Variants in MAP4 observed in about 807,000 individuals in gnomAD.
MAP4 encodes the protein microtubule-associated protein 4.
MAP4 carries 76 observed loss-of-function variants against 170.2 expected under a neutral mutation model. That is an observed-to-expected ratio of 0.45 (90% CI 0.37 to 0.54). MAP4 has a LOEUF of 0.54. Among genes scored for constraint, MAP4 ranks in the 20% least tolerant of loss-of-function variants. The probability of loss-of-function intolerance (pLI) is 0.00; values close to 1 mark genes in which losing one functional copy is unlikely to be tolerated. For synonymous variants in MAP4, 909 were observed against 994.5 expected (o/e 0.91, Z 1.62); for missense variants, 2,506 against 2,748.0 (o/e 0.91, Z 1.97).
intron 1 of MAP4, among the ~76,000 whole-genome samples, chr3:48,045,899 T>C (rs2100124294): frequency 6.6e-6 from 1 of 152,106 alleles, no homozygotes; most frequent in Non-Finnish European, 1.5e-5. Flanking sequence ...GAGTCTGGAA[T>C]AGCATCAAAT....
chr3:48,045,068 A>C (rs1250470612), intron 1 of MAP4, among the ~76,000 whole-genome samples: 1 of 151,728 alleles, frequency 6.6e-6, no homozygotes, highest in Non-Finnish European at 1.5e-5. Context: ...ACCAGCCTGG[A>C]CAACATGGTG....
chr3:48,087,741 A>G (rs955016531), intron 1 of MAP4, among the ~76,000 whole-genome samples: 1 of 125,172 alleles, frequency 8.0e-6, no homozygotes, highest in African/African-American at 3.4e-5. Flanking sequence ...ACACACACGC[A>G]CGCGCACACA....
intron 17 of MAP4, among the ~76,000 whole-genome samples, chr3:47,864,974 A>G (rs1339541258): frequency 1.3e-5 from 2 of 152,174 alleles, no homozygotes; most frequent in Admixed American, 6.5e-5. Flanking sequence ...TTATGGAAGG[A>G]AACAAAGCAC....
Position 47,916,759 on chromosome 3 carries a change from C to G in MAP4, c.1068G>C (p.Arg356Ser), listed in dbSNP as rs1212416818. ...KDVTLLKETE[R>S]ASPIKMDLAP... ...CTAAGTCCATTTTTATAGGAGATGC[C>G]CTCTCTGTTTCTTTCAACAGTGTCA... Residue 356 changes from arginine to serine, a missense_variant, in exon 7 of 21, where the codon AGG becomes AGC. Physicochemically the swap from Arg to Ser is moderately radical, Grantham distance 110. This residue lies in a region of MAP4 where 2,008 missense variants were observed against 2,206.0 expected (regional missense o/e 0.91). Transcript: ENST00000683076. 6.2e-7 allele frequency: 1 copy of G among 1,613,848 alleles called. No individual in the cohort carries two copies. The highest frequency in any genetic ancestry group is 8.5e-7 in the Non-Finnish European group (1 of 1,180,028).
At chr3:48,007,512 G>A (rs2100102979) in intron 1 of MAP4, among the ~76,000 whole-genome samples, 1 of 152,172 alleles carries the variant, frequency 6.6e-6, no homozygotes, top group South Asian at 2.1e-4. Flanking sequence ...AAGCTGCTCT[G>A]CCACCTGGGC....
chr3:47,852,834 C>T lies in MAP4; in HGVS notation c.*100G>A, dbSNP rs764241098. 1.5e-5 allele frequency: 24 copies of T among 1,553,252 alleles called. No individual in the cohort carries two copies. Among genetic ancestry groups the T allele is most frequent in the East Asian group, 2.4e-5 (1 of 40,946 alleles). Reference sequence around the variant, plus strand: ...AAAGGGGGCCAAGGACCCGGGAGCCCGAGTTGGGGCCGCCAGGGAAGTGTG... The same window carrying T: ...AAAGGGGGCCAAGGACCCGGGAGCCTGAGTTGGGGCCGCCAGGGAAGTGTG... On this transcript the variant is annotated 3_prime_UTR_variant, in exon 21 of 21. Coordinates refer to ENST00000683076, the MANE Select transcript of MAP4 (RefSeq NM_001385682.1).
At chr3:47,975,485 G>C (rs776442202) in intron 3 of MAP4, 20 of 1,531,392 alleles carry the variant, frequency 1.3e-5, no homozygotes, top group Admixed American at 1.9e-5. Context: ...GAAAAATAGA[G>C]AGGGAGGAAG....
In MAP4 at chr3:47,870,867, GACATTCTTCAGATCAGGAGCAGA is replaced by G; in HGVS notation, c.6217_6239del (p.Ser2073ProfsTer35). ...TTTCCGTGGAGCCAACCTTGGAGCG[GACATTCTTCAGATCAGGAGCAGA>G]AGTATTGGTGGCCAGGCGGCTGAGC... is the stretch of plus-strand genomic sequence containing the variant. On this transcript the variant is annotated frameshift_variant, in exon 15 of 21. Transcript: ENST00000683076. LOFTEE classifies it high-confidence loss of function. 1 of 1,608,052 alleles carries G rather than the reference GACATTCTTCAGATCAGGAGCAGA, an allele frequency of 6.2e-7. No individual in the cohort carries two copies.
chr3:47,911,632 T>G lies in MAP4; in HGVS notation c.2789A>C (p.Glu930Ala). 2.0e-6 allele frequency: 3 copies of G among 1,536,126 alleles called. No homozygotes were observed. The highest frequency in any genetic ancestry group is 2.6e-6 in the Non-Finnish European group (3 of 1,146,898). The change falls in exon 9 of 21, where the codon GAA becomes GCA. Residue 930 changes from glutamate (E) to alanine (A), a missense_variant. Coordinates refer to ENST00000683076, the MANE Select transcript of MAP4 (RefSeq NM_001385682.1). The surrounding 1 kb of genome is among the most constrained non-coding windows in gnomAD (Gnocchi z 4.0). ...GGTTTCTACATTGTATGCAGAAACT[T>G]CTGCTAGGGGTCCTTTCAGATTGAG... ...GPLNLKGPLAEVSAYNVETPL... is the reference protein window; with the variant it reads ...GPLNLKGPLAAVSAYNVETPL...
At chr3:48,060,510 T>C (rs1255380796) in intron 1 of MAP4, among the ~76,000 whole-genome samples, 2 of 152,330 alleles carry the variant, frequency 1.3e-5, no homozygotes, top group African/African-American at 4.8e-5. Flanking sequence ...AGCTGGACTT[T>C]ACTGAAGTTA....
intron 3 of MAP4, among the ~76,000 whole-genome samples, chr3:47,970,731 C>T (rs1013931147): frequency 6.6e-6 from 1 of 152,016 alleles, no homozygotes; most frequent in African/African-American, 2.4e-5. Context: ...GCAGGAGAAT[C>T]GCTCGAACCT....
intron 3 of MAP4, among the ~76,000 whole-genome samples, chr3:47,930,927 T>TAAA (rs766820917): frequency 3.0e-5 from 3 of 100,028 alleles, no homozygotes; most frequent in Admixed American, 2.2e-4. Flanking sequence ...AGACTCTGTC[T>TAAA]AAAAAAAAAA....
chr3:48,031,566 A>G (rs1035512585), intron 1 of MAP4, among the ~76,000 whole-genome samples: 7 of 151,628 alleles, frequency 4.6e-5, no homozygotes, highest in Admixed American at 1.3e-4. Flanking sequence ...AAAACAAAAA[A>G]ACAAAAAAAT....
intron 17 of MAP4, among the ~76,000 whole-genome samples, chr3:47,865,530 CAAGA>C (rs1289237423): frequency 2.6e-5 from 4 of 152,044 alleles, no homozygotes; most frequent in Non-Finnish European, 5.9e-5. Context: ...TTGTGTGGGG[CAAGA>C]ATGAAAGCTC....
At chr3:47,964,818 A>T (rs552941763) in intron 3 of MAP4, among the ~76,000 whole-genome samples, 1 of 152,318 alleles carries the variant, frequency 6.6e-6, no homozygotes, top group Non-Finnish European at 1.5e-5. Context: ...ATGATGGTTA[A>T]TTTGAAATTT....
At chr3:48,087,285 G>T (rs892880015) in intron 1 of MAP4, among the ~76,000 whole-genome samples, 2 of 152,102 alleles carry the variant, frequency 1.3e-5, no homozygotes, top group African/African-American at 2.4e-5. Flanking sequence ...AGTACAGATG[G>T]GAGTCTCCTG....
chr3:48,078,705 A>C (rs1479420266), intron 1 of MAP4, among the ~76,000 whole-genome samples: 2 of 152,004 alleles, frequency 1.3e-5, no homozygotes, highest in Admixed American at 1.3e-4. Flanking sequence ...ATCACTTGTC[A>C]CCCAAAGCAA....
chr3:47,953,936 C>T (rs1453932377), intron 3 of MAP4, among the ~76,000 whole-genome samples: 2 of 151,972 alleles, frequency 1.3e-5, no homozygotes, highest in Non-Finnish European at 2.9e-5. Flanking sequence ...ATTGCTTGAA[C>T]CCAGGAGGCA....
intron 1 of MAP4, among the ~76,000 whole-genome samples, chr3:48,030,844 C>T (rs2100115718): frequency 7.9e-6 from 1 of 127,146 alleles, no homozygotes; most frequent in Non-Finnish European, 1.7e-5. Flanking sequence ...AACTCAATTA[C>T]ACAGGAGTCA....
Sources: gnomAD v4.1 joint callset for allele counts (sites outside exome capture counted in the v4.1 genomes callset) on GRCh38, gnomAD v4.1.1 for gene constraint, gnomAD v4.1.1 regional missense constraint, Gnocchi (gnomAD v3.1) non-coding constraint, MANE v1.5 for transcripts, NCBI Gene and HGNC (gene_info 2026-07-23, HGNC 2026-07-21) for gene names.